The following MBNL2 variants were observed in gnomAD, a reference collection of about 807,000 sequenced individuals.
MBNL2 encodes the protein muscleblind like splicing regulator 2.
Under a neutral mutation model 41.9 loss-of-function variants are expected in MBNL2, and 17 were observed. The ratio of observed to expected loss-of-function variants is 0.41; its 90% CI spans 0.28 to 0.61. The LOEUF (loss-of-function observed/expected upper bound fraction) is 0.61, where lower values mean the gene tolerates loss of function less well. MBNL2 is among the 20% of genes least tolerant of loss of function. MBNL2 has a pLI of 0.35. For synonymous variants in MBNL2, 195 were observed against 182.9 expected (o/e 1.07, Z -0.53); for missense variants, 336 against 505.6 (o/e 0.66, Z 3.22).
rs78912500 is a variant in MBNL2 at position 97,363,536 on chromosome 13, A to C, written c.1013-1600A>C. On this transcript the variant is annotated intron_variant, in intron 7 of 8. Transcript: ENST00000679496. ...GGAGTGCTGAATGCTGCTGAGAATT[A>C]GGAACAGTGAGATGAGGACAGGAGA... 3.0e-4 allele frequency among the ~76,000 whole-genome samples: 45 copies of C among 152,024 alleles called. 2 individuals carry two copies. In the East Asian group the frequency reaches 8.7e-3, roughly 30 times the overall value.
chr13:97,364,792 C>T (rs1328050873), intron 7 of MBNL2, among the ~76,000 whole-genome samples: 1 of 152,122 alleles, frequency 6.6e-6, no homozygotes, highest in Non-Finnish European at 1.5e-5. Flanking sequence ...TACCTACTTC[C>T]TACCTTGGAG....
In MBNL2 at chr13:97,332,266, G is replaced by C. The variant is rs142042688; in HGVS notation, c.175-2010G>C. Among the ~76,000 whole-genome samples, 542 of 152,300 alleles carry C rather than the reference G, an allele frequency of 3.6e-3. 8 individuals carry two copies. Among genetic ancestry groups the C allele is most frequent in the African/African-American group, 0.012 (516 of 41,560 alleles). Reference sequence around the variant, plus strand: ...ATCCTCTAAACAAGAAATGCATTCTGTATAACCCTCCTCCACCCCAGCTGA... The same window carrying C: ...ATCCTCTAAACAAGAAATGCATTCTCTATAACCCTCCTCCACCCCAGCTGA... On this transcript the variant is annotated intron_variant, in intron 2 of 8. Transcript: ENST00000679496.
intron 2 of MBNL2, among the ~76,000 whole-genome samples, chr13:97,331,706 T>A (rs2060455348): frequency 6.6e-6 from 1 of 152,162 alleles, no homozygotes; most frequent in African/African-American, 2.4e-5. Context: ...ACTGCTGTTA[T>A]AAGGAGAAAA....
chr13:97,376,162 A>AGAG (rs948574376), intron 8 of MBNL2, among the ~76,000 whole-genome samples: 4 of 152,198 alleles, frequency 2.6e-5, no homozygotes, highest in African/African-American at 9.7e-5. Flanking sequence ...TAGAGAGAAA[A>AGAG]GAGAACATTT....
chr13:97,380,493 AAACCAAAC>A (rs779948047), intron 8 of MBNL2, among the ~76,000 whole-genome samples: 1 of 151,578 alleles, frequency 6.6e-6, no homozygotes, highest in African/African-American at 2.4e-5. Context: ...GACTCTAGCA[AAACCAAAC>A]AAACAAACAA....
chr13:97,387,335 A>T (rs952353691), intron 8 of MBNL2, among the ~76,000 whole-genome samples: 2 of 152,166 alleles, frequency 1.3e-5, no homozygotes, highest in East Asian at 3.9e-4. Flanking sequence ...TGCAACATCC[A>T]TCTGGAGGAG....
intron 4 of MBNL2, among the ~76,000 whole-genome samples, chr13:97,344,405 C>G (rs1399779885): frequency 6.6e-6 from 1 of 152,170 alleles, no homozygotes. Flanking sequence ...GGTGATGCAT[C>G]TGGTTAGGAC....
rs544190136 is a variant in MBNL2, at chr13:97,335,887, C to T, written c.339+1447C>T. Among the ~76,000 whole-genome samples the T allele has an allele frequency of 1.4e-4, 22 of 152,280 alleles. No individual in the cohort carries two copies. The South Asian group carries it at 4.3e-3, about 30-fold the overall frequency. On this transcript the variant is annotated intron_variant, in intron 3 of 8. Coordinates refer to ENST00000679496, the MANE Select transcript of MBNL2 (RefSeq NM_001382683.1). ...TTATGGTTCTCTCTTTATTGATGCT[C>T]ACATATAAACTATTTTATTAAATTA...
At chr13:97,376,272 G>A (rs2064956003) in intron 8 of MBNL2, among the ~76,000 whole-genome samples, 1 of 152,170 alleles carries the variant, frequency 6.6e-6, no homozygotes, top group African/African-American at 2.4e-5. Context: ...TCTGACTTCT[G>A]TGGTGTCTGT....
At chr13:97,191,631 T>C in the MBNL2 span, among the ~76,000 whole-genome samples, 2 of 152,196 alleles carry the variant, frequency 1.3e-5, no homozygotes, top group Non-Finnish European at 2.9e-5. Flanking sequence ...GAAGAATAAC[T>C]CTGCTGTGTT....
At chr13:97,260,355 C>A (rs755250136) in intron 1 of MBNL2, among the ~76,000 whole-genome samples, 127 of 152,306 alleles carry the variant, frequency 8.3e-4, no homozygotes, top group Non-Finnish European at 1.7e-3. Context: ...TTGACAGTCC[C>A]GCTCTGTGAG....
intron 2 of MBNL2, among the ~76,000 whole-genome samples, chr13:97,316,455 C>G (rs1010744763): frequency 6.6e-6 from 1 of 152,218 alleles, no homozygotes; most frequent in Non-Finnish European, 1.5e-5. Flanking sequence ...AAGAAGAAAA[C>G]AAGTTCTTAC....
chr13:97,202,937 AG>A, the MBNL2 span, among the ~76,000 whole-genome samples: 4 of 152,210 alleles, frequency 2.6e-5, no homozygotes, highest in African/African-American at 9.6e-5. Flanking sequence ...TTATTGCGAA[AG>A]GAATTGCTCA....
At chr13:97,160,015 C>T in the MBNL2 span, among the ~76,000 whole-genome samples, 2 of 152,072 alleles carry the variant, frequency 1.3e-5, no homozygotes, top group African/African-American at 2.4e-5. Context: ...TCCATTCTCC[C>T]CATCACTTTC....
the MBNL2 span, among the ~76,000 whole-genome samples, chr13:97,202,839 ATGGCTGGGTTTGAACTGGGGCTGGACAG>A: frequency 3.3e-5 from 5 of 152,160 alleles, no homozygotes; most frequent in Admixed American, 6.5e-5. Flanking sequence ...AGTGGGTGCC[ATGGCTGGGTTTGAACTGGGGCTGGACAG>A]TGGCTGGGTT....
chr13:97,249,011 T>C (rs1245935280), intron 1 of MBNL2, among the ~76,000 whole-genome samples: 1 of 152,220 alleles, frequency 6.6e-6, no homozygotes, highest in Non-Finnish European at 1.5e-5. Flanking sequence ...TCATTGTGAG[T>C]TGAAATTATT....
chr13:97,222,911 C>A (rs1374383404), intron 1 of MBNL2, among the ~76,000 whole-genome samples: 1 of 151,964 alleles, frequency 6.6e-6, no homozygotes, highest in Non-Finnish European at 1.5e-5. Flanking sequence ...TGAAAACAGA[C>A]TTGCAATTAA....
chr13:97,328,336 C>T (rs1003717999), intron 2 of MBNL2, among the ~76,000 whole-genome samples: 2 of 152,198 alleles, frequency 1.3e-5, no homozygotes, highest in Non-Finnish European at 2.9e-5. Context: ...GAGGCTCTTC[C>T]ATGATTTTCC....
chr13:97,271,398 G>T (rs1359718758), intron 1 of MBNL2, among the ~76,000 whole-genome samples: 1 of 151,454 alleles, frequency 6.6e-6, no homozygotes, highest in Non-Finnish European at 1.5e-5. Flanking sequence ...GTGAGCCACT[G>T]CACCCAGCCT....
Sources: allele counts gnomAD v4.1 joint callset (sites outside exome capture counted in the v4.1 genomes callset), GRCh38; gene constraint gnomAD v4.1.1; transcripts MANE v1.5; gene names NCBI Gene and HGNC (gene_info 2026-07-23, HGNC 2026-07-21).